The following CYYR1 variants were observed in gnomAD, a reference collection of about 807,000 sequenced individuals.
The protein encoded by CYYR1 is cysteine and tyrosine rich 1, also known as cysteine and tyrosine-rich protein 1.
In CYYR1, 14 loss-of-function variants were observed where a neutral mutation model predicts 15.2. That is an observed-to-expected ratio of 0.92 (90% confidence interval 0.61 to 1.44). The LOEUF (loss-of-function observed/expected upper bound fraction) is 1.44, where lower values mean the gene tolerates loss of function less well. Ranked by LOEUF, CYYR1 falls within the 40% of genes most tolerant of loss-of-function variation. The pLI is 0.00. For synonymous variants in CYYR1, 80 were observed against 77.4 expected (o/e 1.03, Z -0.18); for missense variants, 228 against 209.5 (o/e 1.09, Z -0.54).
At chr21:26,468,719 G>T in intron 3 of CYYR1, 85 bp from the exon 4 acceptor site, 4 of 1,027,536 alleles carry the variant, frequency 3.9e-6, no homozygotes, top group Non-Finnish European at 2.9e-6. Flanking sequence ...TAGATACTTT[G>T]GGAGGGGACA....
chr21:26,509,878 T>C (rs1207656165), intron 2 of CYYR1, among the ~76,000 whole-genome samples: 2 of 152,154 alleles, frequency 1.3e-5, no homozygotes, highest in East Asian at 3.9e-4. Context: ...AAGTATGATG[T>C]TCTAAGTGCT....
At chr21:26,490,926 G>A (rs1461061842) in intron 2 of CYYR1, among the ~76,000 whole-genome samples, 2 of 152,178 alleles carry the variant, frequency 1.3e-5, no homozygotes, top group African/African-American at 2.4e-5. Context: ...AGAAAGAGAG[G>A]AGAAAAGAAT....
chr21:26,502,093 AAAAT>A lies in CYYR1; in HGVS notation c.177-21668_177-21665del, dbSNP rs528881817. 3.1e-3 allele frequency among the ~76,000 whole-genome samples: 468 copies of A among 152,320 alleles called. 2 individuals are homozygous for A. The highest frequency in any genetic ancestry group is 0.011 in the African/African-American group (451 of 41,590). ...CTAAAATATTTCATTCTAAATTTTA[AAAAT>A]AAAGCACTGATTTATGCACCCCAAA... On this transcript the variant is annotated intron_variant, in intron 2 of 3. Transcript: ENST00000652641.
At chr21:26,556,241 C>A (rs1278482276) in intron 2 of CYYR1, among the ~76,000 whole-genome samples, 1 of 152,128 alleles carries the variant, frequency 6.6e-6, no homozygotes, top group Non-Finnish European at 1.5e-5. Flanking sequence ...ATGATGAACA[C>A]TAGTTTAGAA....
rs1981121723 is a variant in CYYR1 at position 26,573,092 on chromosome 21, C to T, written c.-152G>A. On this transcript the variant is annotated 5_prime_UTR_variant, in exon 1 of 4. Coordinates refer to ENST00000652641, the MANE Select transcript of CYYR1 (RefSeq NM_001320768.2). ...TTGCCTAGGGAGCCTTCCAAGGGAG[C>T]CCGGGCCGGGCGCGTCCCGGGCCAG... is the stretch of plus-strand genomic sequence containing the variant. 2.0e-6 allele frequency: 3 copies of T among 1,529,166 alleles called. No homozygotes were observed. Among genetic ancestry groups the T allele is most frequent in the Non-Finnish European group, 2.6e-6 (3 of 1,142,188 alleles). 94.7% of individuals were successfully genotyped at this position (1,529,166 alleles called of 1,614,324 possible).
At chr21:26,493,052 A>G (rs917521269) in intron 2 of CYYR1, among the ~76,000 whole-genome samples, 3 of 152,120 alleles carry the variant, frequency 2.0e-5, no homozygotes, top group Admixed American at 1.3e-4. Context: ...ACGGGATTAG[A>G]GCAGAAGCAC....
intron 3 of CYYR1, among the ~76,000 whole-genome samples, chr21:26,477,158 A>T (rs2065116289): frequency 6.6e-6 from 1 of 152,158 alleles, no homozygotes; most frequent in South Asian, 2.1e-4. Context: ...GGGCTGTAGG[A>T]CTATACAATA....
chr21:26,490,798 C>G (rs1035101277), intron 2 of CYYR1, among the ~76,000 whole-genome samples: 3 of 152,160 alleles, frequency 2.0e-5, no homozygotes, highest in Admixed American at 6.5e-5. Context: ...ATTGCAATGG[C>G]CTGCCTTGCT....
chr21:26,546,213 G>T, intron 2 of CYYR1, among the ~76,000 whole-genome samples: 1 of 152,156 alleles, frequency 6.6e-6, no homozygotes, highest in East Asian at 1.9e-4. Context: ...TAAATATTTA[G>T]AATTGTTAGC....
At chr21:26,539,794 ACTGTCATT>A in intron 2 of CYYR1, among the ~76,000 whole-genome samples, 1 of 152,020 alleles carries the variant, frequency 6.6e-6, no homozygotes, top group Non-Finnish European at 1.5e-5. Flanking sequence ...AAGTTCCTTT[ACTGTCATT>A]GCTTTGTGAA....
At chr21:26,530,739 TG>T (rs1404053937) in intron 2 of CYYR1, among the ~76,000 whole-genome samples, 1 of 152,184 alleles carries the variant, frequency 6.6e-6, no homozygotes, top group East Asian at 1.9e-4. Context: ...TGTGTTATTT[TG>T]CTGAGAATGA....
rs183718759 is a variant in CYYR1 at position 26,511,072 on chromosome 21, C to T, written c.177-30643G>A. 4.7e-3 allele frequency among the ~76,000 whole-genome samples: 715 copies of T among 152,254 alleles called. 3 individuals are homozygous for T. Among genetic ancestry groups the T allele is most frequent in the Non-Finnish European group, 6.2e-3 (425 of 68,020 alleles). On this transcript the variant is annotated intron_variant, in intron 2 of 3. Coordinates refer to ENST00000652641, the MANE Select transcript of CYYR1 (RefSeq NM_001320768.2). Reference sequence around the variant, plus strand: ...CTATGGGGAACTTCTTGCTAACTGACGTTATTGTAGCATGCCATTTATTAT... The same window carrying T: ...CTATGGGGAACTTCTTGCTAACTGATGTTATTGTAGCATGCCATTTATTAT...
At chr21:26,570,113 A>C (rs1359782959) in intron 1 of CYYR1, among the ~76,000 whole-genome samples, 1 of 152,238 alleles carries the variant, frequency 6.6e-6, no homozygotes, top group African/African-American at 2.4e-5. Flanking sequence ...ATAATTTGAC[A>C]AAGATCAGTG....
intron 1 of CYYR1, among the ~76,000 whole-genome samples, chr21:26,567,795 T>C (rs1409246353): frequency 6.6e-6 from 1 of 152,250 alleles, no homozygotes; most frequent in Non-Finnish European, 1.5e-5. Flanking sequence ...AAGGAAATTT[T>C]ACATTGCTTT....
At chr21:26,500,554 G>A (rs1311255422) in intron 2 of CYYR1, among the ~76,000 whole-genome samples, 1 of 152,190 alleles carries the variant, frequency 6.6e-6, no homozygotes, top group East Asian at 1.9e-4. Context: ...AAGTACTGGA[G>A]GCTGCTATTA....
intron 3 of CYYR1, chr21:26,478,171 A>G: frequency 6.5e-7 from 1 of 1,548,066 alleles, no homozygotes; most frequent in Non-Finnish European, 8.7e-7. Flanking sequence ...CAATCAACAT[A>G]ATGATTAGCT....
In CYYR1 at chr21:26,530,008, T is replaced by C. The variant is rs144567252; in HGVS notation, c.176+36258A>G. On this transcript the variant is annotated intron_variant, in intron 2 of 3. Coordinates refer to ENST00000652641, the MANE Select transcript of CYYR1 (RefSeq NM_001320768.2). Reference sequence around the variant, plus strand: ...ATATCAACGGAAATACTGACATATGTTGACATACATAAGTGTTGGTAAACA... The same window carrying C: ...ATATCAACGGAAATACTGACATATGCTGACATACATAAGTGTTGGTAAACA... Among the ~76,000 whole-genome samples the C allele has an allele frequency of 1.8e-3, 267 of 152,336 alleles. 2 individuals are homozygous for C. Among genetic ancestry groups the C allele is most frequent in the African/African-American group, 6.2e-3 (257 of 41,584 alleles).
rs184501658 is a variant in CYYR1, at chr21:26,481,537, T to G, written c.177-1108A>C. Among the ~76,000 whole-genome samples the G allele has an allele frequency of 1.1e-3, 160 of 152,240 alleles. 1 individual carries two copies. Among genetic ancestry groups the G allele is most frequent in the African/African-American group, 3.8e-3 (157 of 41,556 alleles). On this transcript the variant is annotated intron_variant, in intron 2 of 3. Transcript: ENST00000652641. ...TAGTGTTAGCTTCCAGCACCATCCATGTGCCTGCAAAAGACATGATCTTGT... is the reference window on the plus strand; with the variant it reads ...TAGTGTTAGCTTCCAGCACCATCCAGGTGCCTGCAAAAGACATGATCTTGT...
intron 2 of CYYR1, among the ~76,000 whole-genome samples, chr21:26,491,375 G>T (rs1340072499): frequency 6.6e-6 from 1 of 152,044 alleles, no homozygotes; most frequent in Admixed American, 6.6e-5. Flanking sequence ...TCACAAACTG[G>T]TTTTTTAATA....
Sources: allele counts gnomAD v4.1 joint callset (sites outside exome capture counted in the v4.1 genomes callset), GRCh38; gene constraint gnomAD v4.1.1; transcripts MANE v1.5; gene names NCBI Gene and HGNC (gene_info 2026-07-23, HGNC 2026-07-21).